RASGRF1: variants seen among roughly 807,000 people sequenced by gnomAD.
RASGRF1 encodes ras-specific guanine nucleotide-releasing factor 1.
In RASGRF1, 40 loss-of-function variants were observed where a neutral mutation model predicts 138.7. That is an observed-to-expected ratio of 0.29 (90% CI 0.22 to 0.38). RASGRF1 has a LOEUF of 0.38. Among genes scored for constraint, RASGRF1 ranks in the 10% least tolerant of loss-of-function variants. RASGRF1 has a pLI of 1.00. For missense variants in RASGRF1, 1,108 were observed against 1,650.4 expected (o/e 0.67, Z 5.69); for synonymous variants, 614 against 663.2 (o/e 0.93, Z 1.14).
At chr15:79,004,626 C>T in intron 14 of RASGRF1, 3 of 988,312 alleles carry the variant, frequency 3.0e-6, no homozygotes, top group Non-Finnish European at 3.6e-6. Context: ...ATGCCTCCTA[C>T]TCTAAACGCA....
At chr15:79,058,925 A>T (rs1448484428) in intron 2 of RASGRF1, among the ~76,000 whole-genome samples, 1 of 152,188 alleles carries the variant, frequency 6.6e-6, no homozygotes, top group Non-Finnish European at 1.5e-5. Flanking sequence ...AGCATGAAGG[A>T]GTCTGTTTTT....
At chr15:79,004,945 C>G (rs920923439) in intron 14 of RASGRF1, 1 of 984,824 alleles carries the variant, frequency 1.0e-6, no homozygotes, top group African/African-American at 1.7e-5. Flanking sequence ...GGTTAAGGGA[C>G]TCAGCCAAGG....
chr15:79,032,111 G>A lies in RASGRF1; in HGVS notation c.1152+12C>T, dbSNP rs944062839. ...CCTGACTCTACCCCACCCAGGCAGG[G>A]CCGGACGCCACCTGGAACATGGGGT... is the stretch of plus-strand genomic sequence containing the variant. On this transcript the variant is annotated intron_variant, in intron 7 of 26. Coordinates refer to ENST00000558480, the MANE Select transcript of RASGRF1 (RefSeq NM_001145648.3). This position sits in a 1 kb window ranked among gnomAD's most constrained non-coding sequence, Gnocchi z 4.5. The A allele has an allele frequency of 2.7e-5, 43 of 1,611,906 alleles. No individual in the cohort carries two copies. Among genetic ancestry groups the A allele is most frequent in the Non-Finnish European group, 3.4e-5 (40 of 1,178,766 alleles).
At chr15:78,968,748 G>T (rs577093529) in intron 26 of RASGRF1, among the ~76,000 whole-genome samples, 2 of 152,286 alleles carry the variant, frequency 1.3e-5, no homozygotes, top group East Asian at 3.9e-4. Flanking sequence ...TCCAGGTGGT[G>T]GTTTGAAAGT....
At chr15:79,059,982 A>T (rs1447474991) in intron 2 of RASGRF1, among the ~76,000 whole-genome samples, 201 of 8,316 alleles carry the variant, frequency 0.024, no homozygotes, top group Non-Finnish European at 0.037. Context: ...ACACACACAC[A>T]GACACACAGA....
At chr15:78,994,240 C>T (rs531784912) in intron 20 of RASGRF1, among the ~76,000 whole-genome samples, 6 of 152,308 alleles carry the variant, frequency 3.9e-5, no homozygotes, top group South Asian at 2.1e-4. Flanking sequence ...GTCTGGGGAC[C>T]GTCAACCTCC....
chr15:79,025,827 C>T (rs2057039109), intron 9 of RASGRF1, among the ~76,000 whole-genome samples: 1 of 151,870 alleles, frequency 6.6e-6, no homozygotes, highest in African/African-American at 2.4e-5. Context: ...TGGCTGCAGG[C>T]CCCGAGGGGT....
Position 79,017,889 on chromosome 15 carries a change from C to T in RASGRF1, c.1624G>A (p.Asp542Asn), listed in dbSNP as rs2056902836. Residue 542 changes from aspartate to asparagine, a missense_variant, in exon 12 of 27, where the codon GAC (aspartate) becomes AAC (asparagine). Physicochemically the swap from Asp to Asn is conservative, Grantham distance 23. This residue lies in a region of RASGRF1 where 686 missense variants were observed against 976.7 expected (regional missense o/e 0.70). Transcript: ENST00000558480. ...TEEEAKGSGQ[D>N]IDHLDFKIGV... Reference sequence around the variant, plus strand: ...ATTTTAAAATCCAAGTGATCTATGTCTTGGCCGGATCCTTTGGCTTCCAGT... The same window carrying T: ...ATTTTAAAATCCAAGTGATCTATGTTTTGGCCGGATCCTTTGGCTTCCAGT... 6.2e-7 allele frequency: 1 copy of T among 1,613,126 alleles called. No individual in the cohort carries two copies. Among genetic ancestry groups the T allele is most frequent in the Admixed American group, 1.7e-5 (1 of 59,694 alleles).
At chr15:78,989,441 G>C (rs1595875158) in intron 22 of RASGRF1, among the ~76,000 whole-genome samples, 1 of 152,126 alleles carries the variant, frequency 6.6e-6, no homozygotes, top group Non-Finnish European at 1.5e-5. Context: ...GCCCAGCACT[G>C]TGGCCTCCTA....
intron 1 of RASGRF1, among the ~76,000 whole-genome samples, chr15:79,072,820 G>A (rs1250143954): frequency 6.6e-6 from 1 of 152,202 alleles, no homozygotes; most frequent in African/African-American, 2.4e-5. Context: ...CAACACTGGA[G>A]CTGCTGTGAT....
At chr15:79,076,843 GCCTGGC>G in intron 1 of RASGRF1, among the ~76,000 whole-genome samples, 1 of 152,226 alleles carries the variant, frequency 6.6e-6, no homozygotes, top group African/African-American at 2.4e-5. Flanking sequence ...TCTCCCTGGA[GCCTGGC>G]ACCGTGCCTT....
At position 78,990,174 on chromosome 15, in the gene RASGRF1, C is replaced by G. The variant is rs1269655774; in HGVS notation, c.3216+15G>C. ...GAAAAACCCCAGTGAGAGAGGCGCTCCCATCCATACTCACGTCATTGAAGT... is the reference window on the plus strand; with the variant it reads ...GAAAAACCCCAGTGAGAGAGGCGCTGCCATCCATACTCACGTCATTGAAGT... On this transcript the variant is annotated intron_variant, in intron 22 of 26. Transcript: ENST00000558480. The G allele has an allele frequency of 6.4e-7, 1 of 1,562,028 alleles. No individual in the cohort carries two copies. Among genetic ancestry groups the G allele is most frequent in the Non-Finnish European group, 8.8e-7 (1 of 1,132,534 alleles).
chr15:79,035,061 G>T (rs996433460), intron 6 of RASGRF1, 70 bp downstream of exon 6: 1 of 1,355,992 alleles, frequency 7.4e-7, no homozygotes, highest in African/African-American at 1.5e-5. Context: ...GGACAAAACT[G>T]CCCCAGGCTT....
At chr15:79,031,562 C>T (rs981804058) in intron 7 of RASGRF1, 53 bp from the exon 8 acceptor site, 105 of 1,114,484 alleles carry the variant, frequency 9.4e-5, no homozygotes, top group Non-Finnish European at 1.1e-4. Context: ...GAAGTATGGC[C>T]GGGGAGCAAG....
chr15:79,055,033 T>C (rs2057492178), intron 3 of RASGRF1, among the ~76,000 whole-genome samples: 1 of 152,116 alleles, frequency 6.6e-6, no homozygotes, highest in Non-Finnish European at 1.5e-5. Flanking sequence ...TACTCTGTTA[T>C]CAAGGTCCTC....
intron 13 of RASGRF1, among the ~76,000 whole-genome samples, chr15:79,009,530 A>G (rs1457436060): frequency 6.6e-6 from 1 of 152,044 alleles, no homozygotes; most frequent in Non-Finnish European, 1.5e-5. Flanking sequence ...CCTGGCATCC[A>G]AATAGGGATC....
intron 13 of RASGRF1, among the ~76,000 whole-genome samples, chr15:79,009,674 C>A (rs930384937): frequency 5.3e-5 from 8 of 152,154 alleles, no homozygotes; most frequent in South Asian, 2.1e-4. Context: ...CTGTTTTAAA[C>A]CTCACAATCA....
chr15:79,063,828 G>A (rs928806680), intron 2 of RASGRF1, among the ~76,000 whole-genome samples: 3 of 152,074 alleles, frequency 2.0e-5, no homozygotes, highest in Non-Finnish European at 4.4e-5. Flanking sequence ...ATTTCCTTAG[G>A]ACCCAAAAGG....
intron 24 of RASGRF1, chr15:78,978,721 C>G: frequency 1.8e-6 from 2 of 1,091,398 alleles, no homozygotes; most frequent in Non-Finnish European, 2.3e-6. Context: ...TGCAACACCG[C>G]TCTTTGTGAA....
Sources: gnomAD v4.1 joint callset for allele counts (sites outside exome capture counted in the v4.1 genomes callset) on GRCh38, gnomAD v4.1.1 for gene constraint, gnomAD v4.1.1 regional missense constraint, Gnocchi (gnomAD v3.1) non-coding constraint, MANE v1.5 for transcripts, NCBI Gene and HGNC (gene_info 2026-07-23, HGNC 2026-07-21) for gene names.